DIPK1A: variants seen among roughly 807,000 people sequenced by gnomAD.
DIPK1A encodes the protein divergent protein kinase domain 1A.
A neutral mutation model predicts 40.8 loss-of-function variants in DIPK1A; 27 were observed. The observed-to-expected ratio is 0.66, with a 90% CI of 0.49 to 0.91. The LOEUF (loss-of-function observed/expected upper bound fraction) is 0.91. DIPK1A is among the 40% of genes least tolerant of loss of function. The pLI is 0.00. For missense variants in DIPK1A, 412 were observed against 505.7 expected (o/e 0.81, Z 1.78); for synonymous variants, 166 against 171.3 (o/e 0.97, Z 0.24).
chr1:92,846,792 C>CATTATAT (rs1354830275), intron 4 of DIPK1A, among the ~76,000 whole-genome samples: 1 of 16,048 alleles, frequency 6.2e-5, no homozygotes, highest in Non-Finnish European at 1.2e-4. Flanking sequence ...CCACTCCTGG[C>CATTATAT]ATATATATAT....
intron 2 of DIPK1A, among the ~76,000 whole-genome samples, chr1:92,856,433 T>G (rs1687990609): frequency 6.6e-6 from 1 of 152,202 alleles, no homozygotes; most frequent in African/African-American, 2.4e-5. Flanking sequence ...ATTATTATTT[T>G]TTGAGACGGA....
downstream of DIPK1A, among the ~76,000 whole-genome samples, chr1:92,840,120 C>G (rs775583584): frequency 6.6e-6 from 1 of 151,686 alleles, no homozygotes; most frequent in African/African-American, 2.4e-5. Context: ...CCTGGACTCA[C>G]GTGTAGTCCT....
intron 1 of DIPK1A, among the ~76,000 whole-genome samples, chr1:92,918,983 T>A (rs10874751): frequency 0.35 from 52,692 of 151,950 alleles, 9,604 homozygotes; most frequent in African/African-American, 0.37. Context: ...CCCACCACTC[T>A]CTTCCTGCCG....
intron 2 of DIPK1A, among the ~76,000 whole-genome samples, chr1:92,864,485 G>C (rs1647441291): frequency 6.6e-6 from 1 of 152,158 alleles, no homozygotes; most frequent in African/African-American, 2.4e-5. Flanking sequence ...TGCTTGCATA[G>C]AGGAATATGT....
At chr1:92,847,967 C>A (rs1687692172) in intron 3 of DIPK1A, among the ~76,000 whole-genome samples, 3 of 152,212 alleles carry the variant, frequency 2.0e-5, no homozygotes, top group Middle Eastern at 3.4e-3. Flanking sequence ...GAACTGCTAG[C>A]CTTAAGTGAC....
At chr1:92,855,278 T>C (rs1009251146) in intron 2 of DIPK1A, among the ~76,000 whole-genome samples, 1 of 152,152 alleles carries the variant, frequency 6.6e-6, no homozygotes, top group Admixed American at 6.5e-5. Flanking sequence ...AAGCAGTTCT[T>C]ACAGTGAAAA....
intron 1 of DIPK1A, among the ~76,000 whole-genome samples, chr1:92,908,670 G>A (rs187758076): frequency 1.3e-5 from 2 of 152,316 alleles, no homozygotes; most frequent in East Asian, 3.9e-4. Flanking sequence ...GGAGCCTTGA[G>A]GCAGAGGTTT....
downstream of DIPK1A, chr1:92,840,753 C>A: frequency 1.2e-6 from 1 of 834,160 alleles, no homozygotes; most frequent in Non-Finnish European, 2.1e-6. Flanking sequence ...CGTGATGTGG[C>A]AGAAGCGAAG....
At chr1:92,898,130 A>G (rs2100816273) in intron 1 of DIPK1A, among the ~76,000 whole-genome samples, 1 of 121,588 alleles carries the variant, frequency 8.2e-6, no homozygotes, top group African/African-American at 3.1e-5. Context: ...AACAAAAAAA[A>G]CAAGAGGTTT....
chr1:92,867,215 CT>C (rs5776161), intron 2 of DIPK1A, among the ~76,000 whole-genome samples: 70,450 of 125,600 alleles, frequency 0.56, 19,790 homozygotes, highest in East Asian at 0.92. Flanking sequence ...TACTCCAATT[CT>C]TTTTTTTTTT....
intron 1 of DIPK1A, among the ~76,000 whole-genome samples, chr1:92,890,665 C>T (rs888393159): frequency 3.3e-5 from 5 of 152,012 alleles, no homozygotes; most frequent in African/African-American, 1.2e-4. Context: ...TGAATAAATC[C>T]CATTTGATCA....
chr1:92,954,253 C>G (rs1651750837), intron 1 of DIPK1A, among the ~76,000 whole-genome samples: 1 of 150,138 alleles, frequency 6.7e-6, no homozygotes, highest in Non-Finnish European at 1.5e-5. Flanking sequence ...CACTTGAACC[C>G]AGGAGTTTGA....
chr1:92,897,423 G>A (rs890488433), intron 1 of DIPK1A, among the ~76,000 whole-genome samples: 58 of 151,940 alleles, frequency 3.8e-4, no homozygotes, highest in African/African-American at 7.5e-4. Context: ...AACAAACACC[G>A]CATGTTCACA....
In DIPK1A at chr1:92,870,075, T is replaced by TACACACACAC. The variant is rs3221733; in HGVS notation, c.189+6211_189+6220dup. Among the ~76,000 whole-genome samples, 374 of 66,442 alleles carry TACACACACAC rather than the reference T, an allele frequency of 5.6e-3. 4 individuals carry two copies. The highest frequency in any genetic ancestry group is 0.013 in the African/African-American group (362 of 27,598). The allele number at this position is 66,442 out of a possible 152,430, so 43.6% of individuals were successfully genotyped here. On this transcript the variant is annotated intron_variant, in intron 2 of 4. Transcript: ENST00000370310. ...ATAAAAAACTTACATGAATTATATA[T>TACACACACAC]ACACACACACACACACACACACACA...
At chr1:92,840,714 T>G (rs769038018), downstream of DIPK1A, 2 of 1,089,890 alleles carry the variant, frequency 1.8e-6, no homozygotes, top group Non-Finnish European at 2.8e-6. Context: ...ACTGTTGGTG[T>G]AATTGTGCAA....
intron 1 of DIPK1A, among the ~76,000 whole-genome samples, chr1:92,945,477 G>A (rs1651325670): frequency 1.3e-5 from 2 of 152,210 alleles, no homozygotes; most frequent in Admixed American, 6.5e-5. Context: ...AGAAAAAGTA[G>A]TCCTAACATA....
intron 2 of DIPK1A, among the ~76,000 whole-genome samples, chr1:92,862,853 T>C (rs1336678834): frequency 6.6e-6 from 1 of 152,198 alleles, no homozygotes; most frequent in Non-Finnish European, 1.5e-5. Flanking sequence ...GTTTGTAGCT[T>C]TGCACATGCC....
rs1687394961 is a variant in DIPK1A, at chr1:92,842,217, T to TTAAAG, written c.*1161_*1165dup. Reference sequence around the variant, plus strand: ...CCAGATGATGAATGGGAAAAGTACCTTAAAGTAAACAAAACTGGTGCTAAT... The same window carrying TTAAAG: ...CCAGATGATGAATGGGAAAAGTACCTTAAAGTAAAGTAAACAAAACTGGTGCTAAT... On this transcript the variant is annotated 3_prime_UTR_variant, in exon 5 of 5. Transcript: ENST00000370310. 1.0e-6 allele frequency: 1 copy of TTAAAG among 999,260 alleles called. No individual in the cohort carries two copies. The highest frequency in any genetic ancestry group is 4.4e-5 in the South Asian group (1 of 22,808). 61.9% of individuals were successfully genotyped at this position (999,260 alleles called of 1,614,324 possible). A position where few individuals can be genotyped will look rare whatever the true frequency, so the allele number is the denominator to read the frequency against.
At chr1:92,859,446 T>C (rs756092739) in intron 2 of DIPK1A, among the ~76,000 whole-genome samples, 4 of 152,276 alleles carry the variant, frequency 2.6e-5, no homozygotes, top group Non-Finnish European at 4.4e-5. Context: ...ACTCTTTCCT[T>C]CCTTCGGTTA....
Sources: gnomAD v4.1 joint callset for allele counts (sites outside exome capture counted in the v4.1 genomes callset) on GRCh38, gnomAD v4.1.1 for gene constraint, MANE v1.5 for transcripts, NCBI Gene and HGNC (gene_info 2026-07-23, HGNC 2026-07-21) for gene names.